RIT2: variants seen among roughly 807,000 people sequenced by gnomAD.
RIT2 encodes the protein GTP-binding protein Rit2.
Under a neutral mutation model 23.7 loss-of-function variants are expected in RIT2, and 24 were observed. The ratio of observed to expected loss-of-function variants is 1.01; its 90% CI spans 0.73 to 1.43. The LOEUF (loss-of-function observed/expected upper bound fraction) is 1.43, where lower values mean the gene tolerates loss of function less well. Ranked by LOEUF, RIT2 falls within the 40% of genes most tolerant of loss-of-function variation. The pLI is 0.00. For synonymous variants in RIT2, 107 were observed against 91.1 expected, an observed-to-expected ratio of 1.17 and a Z score of -0.99; for missense variants, 236 against 266.9, an observed-to-expected ratio of 0.88 and a Z score of 0.81.
intron 1 of RIT2, among the ~76,000 whole-genome samples, chr18:43,100,955 A>G (rs1913668818): frequency 6.6e-6 from 1 of 151,996 alleles, no homozygotes; most frequent in South Asian, 2.1e-4. Context: ...GTGTGTGTAT[A>G]TACACACACA....
At chr18:42,852,799 T>A (rs7240670) in intron 4 of RIT2, among the ~76,000 whole-genome samples, 1 of 125,804 alleles carries the variant, frequency 7.9e-6, no homozygotes, top group Non-Finnish European at 1.7e-5. Context: ...CTCCCTCTCT[T>A]CCTCCCTCCC....
At chr18:42,853,730 T>A (rs78548817) in intron 4 of RIT2, among the ~76,000 whole-genome samples, 15,811 of 152,224 alleles carry the variant, frequency 0.1, 948 homozygotes, top group Middle Eastern at 0.24. Flanking sequence ...CCTGTGTACA[T>A]GTTCAATAAT....
intron 2 of RIT2, among the ~76,000 whole-genome samples, chr18:43,030,144 AT>A (rs1911821266): frequency 6.6e-6 from 1 of 152,096 alleles, no homozygotes; most frequent in African/African-American, 2.4e-5. Context: ...TTGACAGATA[AT>A]TATCTAAACA....
At chr18:42,983,539 A>C (rs1050558661) in intron 2 of RIT2, among the ~76,000 whole-genome samples, 4 of 152,150 alleles carry the variant, frequency 2.6e-5, no homozygotes, top group African/African-American at 9.6e-5. Context: ...ACTCTATGAA[A>C]GACTCCATTA....
At chr18:42,819,667 A>G (rs929523919) in intron 4 of RIT2, among the ~76,000 whole-genome samples, 5 of 152,120 alleles carry the variant, frequency 3.3e-5, no homozygotes, top group Non-Finnish European at 7.4e-5. Context: ...TTACTTAGGA[A>G]AACAATGACT....
intron 2 of RIT2, among the ~76,000 whole-genome samples, chr18:43,023,198 T>G (rs767331205): frequency 6.6e-6 from 1 of 152,084 alleles, no homozygotes; most frequent in Non-Finnish European, 1.5e-5. Context: ...AAACTTCACA[T>G]AGTAGATTGG....
intron 1 of RIT2, among the ~76,000 whole-genome samples, chr18:43,084,304 C>T (rs1038526298): frequency 6.6e-5 from 10 of 152,054 alleles, no homozygotes; most frequent in African/African-American, 2.4e-4. Flanking sequence ...AAATTAGTTC[C>T]ATCATTGTGG....
chr18:42,948,046 C>G (rs548385577), intron 3 of RIT2, among the ~76,000 whole-genome samples: 4 of 152,022 alleles, frequency 2.6e-5, no homozygotes, highest in Non-Finnish European at 5.9e-5. Context: ...TTTTGGAATG[C>G]AGTTTTCAGC....
intron 4 of RIT2, among the ~76,000 whole-genome samples, chr18:42,860,089 CA>C: frequency 6.6e-6 from 1 of 152,240 alleles, no homozygotes; most frequent in East Asian, 1.9e-4. Context: ...ATCCTGGGGA[CA>C]AGTCTTTTCT....
intron 4 of RIT2, among the ~76,000 whole-genome samples, chr18:42,748,139 G>A (rs528180362): frequency 6.6e-6 from 1 of 151,692 alleles, no homozygotes; most frequent in East Asian, 1.9e-4. Flanking sequence ...CAATCCCATA[G>A]AGTGGAAGAA....
rs867533210 is a variant in RIT2 at position 42,841,744 on chromosome 18, T to C, written c.426+81828A>G. ...ATTTGTGGATGTTAATGTTTACTTT[T>C]AATATTATAAATATGTATATGCTTC... is the stretch of plus-strand genomic sequence containing the variant. On this transcript the variant is annotated intron_variant, in intron 4 of 4. Transcript: ENST00000326695. 3.9e-5 allele frequency among the ~76,000 whole-genome samples: 6 copies of C among 152,350 alleles called. No individual in the cohort carries two copies. In the Middle Eastern group the frequency reaches 0.01, roughly 259 times the overall value.
At chr18:43,059,782 T>A (rs1042693152) in intron 1 of RIT2, among the ~76,000 whole-genome samples, 4 of 151,910 alleles carry the variant, frequency 2.6e-5, no homozygotes, top group African/African-American at 7.2e-5. Flanking sequence ...TTACACTTTT[T>A]TTTTATTTTA....
chr18:42,962,616 G>A (rs1426246367), intron 3 of RIT2, among the ~76,000 whole-genome samples: 1 of 152,180 alleles, frequency 6.6e-6, no homozygotes, highest in African/African-American at 2.4e-5. Flanking sequence ...GTAGAAAGCA[G>A]GATGCAAAAT....
chr18:43,034,720 T>G (rs1017802125), intron 1 of RIT2, among the ~76,000 whole-genome samples: 1 of 152,196 alleles, frequency 6.6e-6, no homozygotes, highest in Non-Finnish European at 1.5e-5. Context: ...CCTTGCATTC[T>G]GGCTGGGTCT....
At chr18:43,075,738 T>C (rs886914992) in intron 1 of RIT2, among the ~76,000 whole-genome samples, 5 of 152,170 alleles carry the variant, frequency 3.3e-5, no homozygotes, top group African/African-American at 1.2e-4. Flanking sequence ...TTTTGCCTCT[T>C]GCCACGAAGT....
At position 42,990,009 on chromosome 18, in the gene RIT2, A is replaced by ATGTGTGTGTG. The variant is rs5824463; in HGVS notation, c.161-15872_161-15863dup. 4.0e-3 allele frequency among the ~76,000 whole-genome samples: 590 copies of ATGTGTGTGTG among 148,890 alleles called. 2 individuals are homozygous for ATGTGTGTGTG. Among genetic ancestry groups the ATGTGTGTGTG allele is most frequent in the Non-Finnish European group, 2.4e-3 (159 of 67,224 alleles). ...TATTACACGTTCTGTATTTACAGAT[A>ATGTGTGTGTG]TGTGTGTGTGTGTGTGTGTGTGTGT... is the stretch of plus-strand genomic sequence containing the variant. On this transcript the variant is annotated intron_variant, in intron 2 of 4. Coordinates refer to ENST00000326695, the MANE Select transcript of RIT2 (RefSeq NM_002930.4).
intron 2 of RIT2, among the ~76,000 whole-genome samples, chr18:43,000,195 T>C (rs975895801): frequency 2.0e-5 from 3 of 152,104 alleles, no homozygotes; most frequent in African/African-American, 7.2e-5. Flanking sequence ...TATATTGTTT[T>C]AGGTATGTAG....
chr18:43,003,079 A>T (rs1911145450), intron 2 of RIT2, among the ~76,000 whole-genome samples: 1 of 151,904 alleles, frequency 6.6e-6, no homozygotes, highest in Non-Finnish European at 1.5e-5. Flanking sequence ...TCTCTTCTAG[A>T]GCCTCTAGCA....
intron 4 of RIT2, among the ~76,000 whole-genome samples, chr18:42,789,915 T>C (rs1257253863): frequency 6.6e-6 from 1 of 152,214 alleles, no homozygotes; most frequent in East Asian, 1.9e-4. Context: ...TTAGAGGGAA[T>C]GCTTTCAACT....
Sources: gnomAD v4.1 joint callset for allele counts (sites outside exome capture counted in the v4.1 genomes callset) on GRCh38, gnomAD v4.1.1 for gene constraint, MANE v1.5 for transcripts, NCBI Gene and HGNC (gene_info 2026-07-23, HGNC 2026-07-21) for gene names.